The following ADRA1A variants were observed in gnomAD, a reference collection of about 807,000 sequenced individuals.
The protein encoded by ADRA1A is alpha-1A adrenergic receptor.
Under a neutral mutation model 29.6 loss-of-function variants are expected in ADRA1A, and 31 were observed. That is an observed-to-expected ratio of 1.05 (90% CI 0.79 to 1.41). The LOEUF is 1.41. Ranked by LOEUF, ADRA1A falls within the 40% of genes most tolerant of loss-of-function variation. The pLI is 0.00. For synonymous variants in ADRA1A, 311 were observed against 254.3 expected (o/e 1.22, Z -2.12); for missense variants, 619 against 601.1 (o/e 1.03, Z -0.31).
intron 2 of ADRA1A, among the ~76,000 whole-genome samples, chr8:26,797,721 G>T (rs1260614672): frequency 2.6e-5 from 4 of 152,120 alleles, no homozygotes; most frequent in Admixed American, 6.6e-5. Flanking sequence ...ATAATTTTAA[G>T]AGTGTAGAGG....
intron 2 of ADRA1A, among the ~76,000 whole-genome samples, chr8:26,750,141 C>T (rs568582647): frequency 2.0e-5 from 3 of 152,248 alleles, no homozygotes; most frequent in South Asian, 2.1e-4. Context: ...CATAGGTGGC[C>T]GTCTCCTCGC....
At chr8:26,792,185 G>T (rs1262445307) in intron 2 of ADRA1A, among the ~76,000 whole-genome samples, 1 of 152,068 alleles carries the variant, frequency 6.6e-6, no homozygotes, top group Non-Finnish European at 1.5e-5. Context: ...GCAATCTACA[G>T]AGGATGTCTC....
At chr8:26,791,530 T>G (rs1807835269) in intron 2 of ADRA1A, among the ~76,000 whole-genome samples, 1 of 152,160 alleles carries the variant, frequency 6.6e-6, no homozygotes, top group African/African-American at 2.4e-5. Flanking sequence ...GCTGATCTAA[T>G]TTTCCCATGT....
intron 2 of ADRA1A, among the ~76,000 whole-genome samples, chr8:26,830,527 C>G (rs914228994): frequency 6.6e-6 from 1 of 152,160 alleles, no homozygotes; most frequent in African/African-American, 2.4e-5. Context: ...CAATATTCTC[C>G]TAACAAAGAA....
intron 2 of ADRA1A, among the ~76,000 whole-genome samples, chr8:26,801,123 T>C (rs72609957): frequency 0.024 from 3,704 of 152,226 alleles, 73 homozygotes; most frequent in Middle Eastern, 0.061. Context: ...AGAAAGAACA[T>C]ATTCCAACAC....
chr8:26,782,346 A>G (rs187204868), intron 2 of ADRA1A, among the ~76,000 whole-genome samples: 1 of 152,362 alleles, frequency 6.6e-6, no homozygotes, highest in African/African-American at 2.4e-5. Flanking sequence ...TAGCTCATTT[A>G]AAACATGCAG....
At chr8:26,766,260 C>A, downstream of ADRA1A, 1 of 784,876 alleles carries the variant, frequency 1.3e-6, no homozygotes, top group South Asian at 1.5e-5. Flanking sequence ...TTTCTATGAA[C>A]TGTGGTTGGT....
intron 2 of ADRA1A, among the ~76,000 whole-genome samples, chr8:26,853,278 A>ATTGT (rs1812769353): frequency 3.9e-5 from 6 of 152,190 alleles, no homozygotes; most frequent in African/African-American, 1.2e-4. Context: ...TCCCAACATC[A>ATTGT]TTGTTTAATC....
rs917467650 is a variant in ADRA1A, at chr8:26,865,990, C to T, written c.-686-335G>A. ...ACCACGAAATTAAAATCCTCGAAGC[C>T]CCGGAGGGGCGACTGCGGCTGGCGA... On this transcript the variant is annotated intron_variant, in intron 1 of 2. Transcript: ENST00000380573. The surrounding 1 kb of genome is among the most constrained non-coding windows in gnomAD (Gnocchi z 7.6). Among the ~76,000 whole-genome samples, 1 of 152,172 alleles carries T rather than the reference C, an allele frequency of 6.6e-6. No individual in the cohort carries two copies. Among genetic ancestry groups the T allele is most frequent in the Non-Finnish European group, 1.5e-5 (1 of 68,026 alleles).
At chr8:26,777,974 G>A (rs1806675718) in intron 2 of ADRA1A, among the ~76,000 whole-genome samples, 2 of 152,210 alleles carry the variant, frequency 1.3e-5, no homozygotes, top group African/African-American at 4.8e-5. Flanking sequence ...GAGGTCACTT[G>A]GGGAGATGTC....
rs1350732841 is a variant in ADRA1A at position 26,841,412 on chromosome 8, G to A, written c.883+22675C>T. 2.0e-5 allele frequency among the ~76,000 whole-genome samples: 3 copies of A among 152,266 alleles called. No homozygotes were observed. In the South Asian group the frequency reaches 6.2e-4, roughly 32 times the overall value. On this transcript the variant is annotated intron_variant, in intron 2 of 2. Coordinates refer to ENST00000380573, the MANE Select transcript of ADRA1A (RefSeq NM_000680.4). The surrounding 1 kb of genome is among the most constrained non-coding windows in gnomAD (Gnocchi z 4.4). ...TTCTTACTCCCTTCTAACTGTGAAGGCATCGGGCTTTCCCAGATATCCTTT... is the reference window on the plus strand; with the variant it reads ...TTCTTACTCCCTTCTAACTGTGAAGACATCGGGCTTTCCCAGATATCCTTT...
At chr8:26,754,476 C>T (rs1318758215), downstream of ADRA1A, among the ~76,000 whole-genome samples, 1 of 151,930 alleles carries the variant, frequency 6.6e-6, no homozygotes, top group Non-Finnish European at 1.5e-5. Flanking sequence ...GAAATTGCAC[C>T]TTACATGGAA....
chr8:26,843,040 C>T (rs1811945047), intron 2 of ADRA1A, among the ~76,000 whole-genome samples: 1 of 152,176 alleles, frequency 6.6e-6, no homozygotes, highest in Non-Finnish European at 1.5e-5. Flanking sequence ...GACTCCTTCC[C>T]TCTATGGAAA....
Position 26,848,956 on chromosome 8 carries a change from C to G in ADRA1A, c.883+15131G>C, listed in dbSNP as rs1212608398. Among the ~76,000 whole-genome samples the G allele has an allele frequency of 6.6e-6, 1 of 152,170 alleles. No individual in the cohort carries two copies. Among genetic ancestry groups the G allele is most frequent in the African/African-American group, 2.4e-5 (1 of 41,460 alleles). On this transcript the variant is annotated intron_variant, in intron 2 of 2. Coordinates refer to ENST00000380573, the MANE Select transcript of ADRA1A (RefSeq NM_000680.4). This position sits in a 1 kb window ranked among gnomAD's most constrained non-coding sequence, Gnocchi z 4.3. ...CTGCGGGTGACCCACTTCTGCTTCA[C>G]ACTCTGATATCCCCATGAAAAGGAG...
rs928492979 is a variant in ADRA1A at position 26,806,983 on chromosome 8, G to A, written c.884-36317C>T. ...CTGTTAATAATGTCAAACTTATGTC[G>A]GGGGTAAAGTGCTATAAAAATAAAC... On this transcript the variant is annotated intron_variant, in intron 2 of 2. Transcript: ENST00000380573. This position sits in a 1 kb window ranked among gnomAD's most constrained non-coding sequence, Gnocchi z 4.6. Among the ~76,000 whole-genome samples, 21 of 152,270 alleles carry A rather than the reference G, an allele frequency of 1.4e-4. No individual in the cohort carries two copies. Among genetic ancestry groups the A allele is most frequent in the Middle Eastern group, 3.4e-3 (1 of 292 alleles).
intron 2 of ADRA1A, among the ~76,000 whole-genome samples, chr8:26,839,224 T>C (rs1811621724): frequency 6.7e-6 from 1 of 149,588 alleles, no homozygotes; most frequent in South Asian, 2.1e-4. Flanking sequence ...AGTGGTGCAA[T>C]CTTGGCTCAC....
At position 26,864,129 on chromosome 8, in the gene ADRA1A, A is replaced by C. The variant is rs916744865; in HGVS notation, c.841T>G (p.Phe281Val). The C allele has an allele frequency of 6.2e-7, 1 of 1,614,130 alleles. No individual in the cohort carries two copies. Among genetic ancestry groups the C allele is most frequent in the East Asian group, 2.2e-5 (1 of 44,864 alleles). The change falls in exon 2 of 3, where the codon TTC (phenylalanine) becomes GTC (valine). Residue 281 changes from phenylalanine to valine, a missense_variant. Transcript: ENST00000380573. This position sits in a 1 kb window ranked among gnomAD's most constrained non-coding sequence, Gnocchi z 8.1. ...AKTLGIVVGC[F>V]VLCWLPFFLV... ...AAAAAAGGCAGCCAGCAGAGGACGA[A>C]GCAGCCGACCACGATGCCCAGCGTT... is the stretch of plus-strand genomic sequence containing the variant.
chr8:26,757,517 CA>C lies in ADRA1A; in HGVS notation c.1270-739del, dbSNP rs778167460. Among the ~76,000 whole-genome samples, 26 of 150,298 alleles carry C rather than the reference CA, an allele frequency of 1.7e-4. No individual in the cohort carries two copies. In the East Asian group the frequency reaches 2.9e-3, roughly 17 times the overall value. On this transcript the variant is annotated intron_variant, in intron 2 of 2. Coordinates refer to the ADRA1A transcript ENST00000380582. The stretch of plus-strand genomic sequence containing the variant: ...CTGTCCCTTTTGCTTCCATTTCCCC[CA>C]CCCCCCACCTCTGCTCCATCAGGTT...
At chr8:26,754,971 T>C (rs532391578), downstream of ADRA1A, among the ~76,000 whole-genome samples, 14 of 152,380 alleles carry the variant, frequency 9.2e-5, no homozygotes, top group South Asian at 2.7e-3. Context: ...TTTTCTGTTT[T>C]TTCTTTTTGT....
Sources: allele counts gnomAD v4.1 joint callset (sites outside exome capture counted in the v4.1 genomes callset), GRCh38; gene constraint gnomAD v4.1.1; non-coding constraint Gnocchi (gnomAD v3.1); transcripts MANE v1.5; gene names NCBI Gene and HGNC (gene_info 2026-07-23, HGNC 2026-07-21).